ADAMTS3: variants seen among roughly 807,000 people sequenced by gnomAD.
The protein encoded by ADAMTS3 is ADAM metallopeptidase with thrombospondin type 1 motif 3.
Under a neutral mutation model 129.0 loss-of-function variants are expected in ADAMTS3, and 73 were observed. The ratio of observed to expected loss-of-function variants is 0.57; its 90% confidence interval spans 0.47 to 0.69. The LOEUF (loss-of-function observed/expected upper bound fraction) is 0.69. ADAMTS3 is among the 30% of genes least tolerant of loss of function. The pLI is 0.00. For missense variants in ADAMTS3, 1,457 were observed against 1,514.5 expected (o/e 0.96, Z 0.63); for synonymous variants, 477 against 510.8 (o/e 0.93, Z 0.89).
chr4:72,501,566 A>G (rs1423848739), intron 3 of ADAMTS3, among the ~76,000 whole-genome samples: 1 of 152,096 alleles, frequency 6.6e-6, no homozygotes, highest in Non-Finnish European at 1.5e-5. Flanking sequence ...ATGAGCAAAG[A>G]GAGATAATTT....
chr4:72,284,173 C>T (rs942955522), intron 21 of ADAMTS3, among the ~76,000 whole-genome samples: 3 of 152,060 alleles, frequency 2.0e-5, no homozygotes, highest in African/African-American at 7.2e-5. Flanking sequence ...ACAAATCTTA[C>T]AAAGGTATTC....
At chr4:72,521,477 A>G (rs1356439700) in intron 3 of ADAMTS3, among the ~76,000 whole-genome samples, 2 of 152,176 alleles carry the variant, frequency 1.3e-5, no homozygotes, top group Non-Finnish European at 2.9e-5. Context: ...TTTTGTTTCA[A>G]GCTCACTGAG....
chr4:72,535,987 G>C (rs1721175992), intron 3 of ADAMTS3, among the ~76,000 whole-genome samples: 1 of 152,116 alleles, frequency 6.6e-6, no homozygotes, highest in African/African-American at 2.4e-5. Context: ...TTCTATTCCA[G>C]CTAGGGTTTG....
At chr4:72,521,651 TTATTA>T (rs1720674902) in intron 3 of ADAMTS3, among the ~76,000 whole-genome samples, 1 of 152,146 alleles carries the variant, frequency 6.6e-6, no homozygotes, top group Non-Finnish European at 1.5e-5. Context: ...AAGTGACTAT[TTATTA>T]TATTATACAT....
chr4:72,497,123 AT>A (rs58357558), intron 3 of ADAMTS3, among the ~76,000 whole-genome samples: 10 of 150,158 alleles, frequency 6.7e-5, no homozygotes, highest in African/African-American at 1.5e-4. Context: ...TTAATAGAAT[AT>A]TTTTTTCCTA....
intron 3 of ADAMTS3, among the ~76,000 whole-genome samples, chr4:72,506,744 G>C (rs561312912): frequency 3.3e-5 from 5 of 152,270 alleles, no homozygotes; most frequent in Non-Finnish European, 7.4e-5. Context: ...GTGTCACAGA[G>C]GGAGGTTCTC....
chr4:72,332,495 G>A (rs182002344), intron 5 of ADAMTS3, among the ~76,000 whole-genome samples: 16 of 152,100 alleles, frequency 1.1e-4, no homozygotes, highest in East Asian at 7.7e-4. Flanking sequence ...TTATAATTTC[G>A]TAGAAGTCCA....
At chr4:72,512,116 G>A (rs753452861) in intron 3 of ADAMTS3, among the ~76,000 whole-genome samples, 1 of 152,164 alleles carries the variant, frequency 6.6e-6, no homozygotes, top group Non-Finnish European at 1.5e-5. Context: ...CAGAGGCTGG[G>A]AAGGGTAGTG....
chr4:72,320,925 T>A, intron 6 of ADAMTS3, 55 bp from the exon 7 acceptor site: 2 of 1,547,202 alleles, frequency 1.3e-6, no homozygotes, highest in Non-Finnish European at 1.8e-6. Context: ...AAGGCTTCGT[T>A]TGATAATTTC....
chr4:72,526,935 G>A (rs1720832963), intron 3 of ADAMTS3, among the ~76,000 whole-genome samples: 2 of 151,644 alleles, frequency 1.3e-5, no homozygotes, highest in African/African-American at 4.8e-5. Flanking sequence ...TGAAACACAG[G>A]ATAAGATAAT....
chr4:72,420,776 C>T (rs899979089), intron 3 of ADAMTS3, among the ~76,000 whole-genome samples: 2 of 152,150 alleles, frequency 1.3e-5, no homozygotes, highest in African/African-American at 4.8e-5. Context: ...AGTTGGATGA[C>T]TATGAAATTA....
At chr4:72,349,558 A>G (rs959216891) in intron 4 of ADAMTS3, among the ~76,000 whole-genome samples, 2 of 152,168 alleles carry the variant, frequency 1.3e-5, no homozygotes, top group East Asian at 3.9e-4. Flanking sequence ...ACAATTTTCC[A>G]AGAATACCTT....
At position 72,323,316 on chromosome 4, in the gene ADAMTS3, C is replaced by T. The variant is rs1017552758; in HGVS notation, c.862-219G>A. 1.8e-5 allele frequency: 9 copies of T among 512,332 alleles called. No individual in the cohort carries two copies. In the East Asian group the frequency reaches 2.3e-4, roughly 13 times the overall value. 31.7% of individuals were successfully genotyped at this position (512,332 alleles called of 1,614,324 possible). ...TTTGTAAACTCCACAGTAATATGAA[C>T]GTACAGGACATGCTCAAAAGGGCTT... On this transcript the variant is annotated intron_variant, in intron 5 of 21. Transcript: ENST00000286657.
At chr4:72,502,680 A>G (rs1360444382) in intron 3 of ADAMTS3, among the ~76,000 whole-genome samples, 1 of 152,164 alleles carries the variant, frequency 6.6e-6, no homozygotes, top group Middle Eastern at 3.4e-3. Flanking sequence ...TAGTTCCCCT[A>G]AGTTCAATGT....
At chr4:72,518,644 G>A (rs867051095) in intron 3 of ADAMTS3, among the ~76,000 whole-genome samples, 13 of 152,104 alleles carry the variant, frequency 8.5e-5, no homozygotes, top group Non-Finnish European at 1.5e-4. Context: ...GTTTTATCAC[G>A]GACTAGGATT....
At chr4:72,535,389 T>C (rs1721159968) in intron 3 of ADAMTS3, among the ~76,000 whole-genome samples, 1 of 152,178 alleles carries the variant, frequency 6.6e-6, no homozygotes, top group Non-Finnish European at 1.5e-5. Context: ...TACGATCAGC[T>C]CAGAAGTTGA....
chr4:72,462,044 T>C (rs749063731), intron 3 of ADAMTS3, among the ~76,000 whole-genome samples: 7 of 151,902 alleles, frequency 4.6e-5, no homozygotes, highest in Non-Finnish European at 8.8e-5. Flanking sequence ...TAAGAAAACA[T>C]CCCTGGCCTC....
At chr4:72,341,073 CTT>C (rs575030761) in intron 4 of ADAMTS3, among the ~76,000 whole-genome samples, 227 of 152,280 alleles carry the variant, frequency 1.5e-3, no homozygotes, top group Admixed American at 2.9e-3. Flanking sequence ...TCCTCTCCAC[CTT>C]TGTGGCTTTA....
intron 3 of ADAMTS3, among the ~76,000 whole-genome samples, chr4:72,506,558 C>A (rs1720164126): frequency 6.6e-6 from 1 of 152,190 alleles, no homozygotes; most frequent in Non-Finnish European, 1.5e-5. Flanking sequence ...TTTATATGAA[C>A]TCAGGTTAAA....
Sources: gnomAD v4.1 joint callset for allele counts (sites outside exome capture counted in the v4.1 genomes callset) on GRCh38, gnomAD v4.1.1 for gene constraint, MANE v1.5 for transcripts, NCBI Gene and HGNC (gene_info 2026-07-23, HGNC 2026-07-21) for gene names.